Variants in ALX1 observed in about 807,000 individuals in gnomAD.
ALX1 encodes ALX homeobox protein 1.
ALX1 carries 19 observed loss-of-function variants against 31.7 expected under a neutral mutation model. The ratio of observed to expected loss-of-function variants is 0.60; its 90% CI spans 0.42 to 0.88. The LOEUF is 0.88. ALX1 is among the 40% of genes least tolerant of loss of function. The pLI, the probability that ALX1 is intolerant of heterozygous loss-of-function variation, is 0.00. For missense variants in ALX1, 415 were observed against 407.8 expected (o/e 1.02, Z -0.15); for synonymous variants, 153 against 148.8 (o/e 1.03, Z -0.20).
At chr12:85,284,227 T>C (rs2137377497) in intron 2 of ALX1, among the ~76,000 whole-genome samples, 1 of 151,248 alleles carries the variant, frequency 6.6e-6, no homozygotes, top group African/African-American at 2.4e-5. Flanking sequence ...ATTTGTTTTT[T>C]TTTTTTCGGT....
At position 85,283,816 on chromosome 12, in the gene ALX1, G is replaced by A. The variant is rs1464279232; in HGVS notation, c.471G>A (p.Pro157=). The change falls in exon 2 of 4, where the codon CCG becomes CCA. Residue 157 remains proline (P), a synonymous_variant. Coordinates refer to ENST00000316824, the MANE Select transcript of ALX1 (RefSeq NM_006982.3). ...AAGTCTTTCAGAAAACTCATTACCC[G>A]GATGTGTATGTCAGAGAACAGCTTG... ...LEKVFQKTHY[P]DVYVREQLAL... 5.0e-6 allele frequency: 8 copies of A among 1,614,094 alleles called. No homozygotes were observed. The highest frequency in any genetic ancestry group is 3.3e-5 in the South Asian group (3 of 91,084).
At chr12:85,290,590 A>T (rs1479478312) in intron 3 of ALX1, among the ~76,000 whole-genome samples, 2 of 151,294 alleles carry the variant, frequency 1.3e-5, no homozygotes, top group Admixed American at 1.3e-4. Flanking sequence ...TTCATATTTA[A>T]ATATTTTAAG....
chr12:85,290,704 T>TAA (rs1896807085), intron 3 of ALX1, among the ~76,000 whole-genome samples: 1 of 151,150 alleles, frequency 6.6e-6, no homozygotes, highest in Non-Finnish European at 1.5e-5. Flanking sequence ...TTAACTAAAT[T>TAA]AATCTATTTA....
chr12:85,300,618 C>T (rs763598715), intron 3 of ALX1, among the ~76,000 whole-genome samples: 9 of 151,766 alleles, frequency 5.9e-5, no homozygotes, highest in South Asian at 4.2e-4. Context: ...CTATAGGATA[C>T]GAAAAAGCAA....
At chr12:85,280,587 G>A in intron 1 of ALX1, 100 bp downstream of exon 1, 1 of 1,300,922 alleles carries the variant, frequency 7.7e-7, no homozygotes, top group Non-Finnish European at 1.1e-6. Context: ...GAGAAAAGTG[G>A]GAGCGAGGGA....
intron 3 of ALX1, among the ~76,000 whole-genome samples, chr12:85,297,945 T>C (rs1204227071): frequency 6.6e-6 from 1 of 151,688 alleles, no homozygotes; most frequent in Non-Finnish European, 1.5e-5. Context: ...AAATCATCCA[T>C]AAAATTTTGA....
chr12:85,301,111 G>C (rs377366429), intron 3 of ALX1, 44 bp from the exon 4 acceptor site: 16 of 1,605,660 alleles, frequency 1.0e-5, no homozygotes, highest in African/African-American at 1.3e-5. Flanking sequence ...GAGAACAAAA[G>C]TGAGAACATG....
At chr12:85,299,005 G>C (rs545951445) in intron 3 of ALX1, among the ~76,000 whole-genome samples, 1 of 151,420 alleles carries the variant, frequency 6.6e-6, no homozygotes, top group Non-Finnish European at 1.5e-5. Context: ...TCTAGTTGGT[G>C]AACATATTTC....
Position 85,301,612 on chromosome 12 carries a change from A to T in ALX1, c.*137A>T. On this transcript the variant is annotated 3_prime_UTR_variant, in exon 4 of 4. Coordinates refer to ENST00000316824, the MANE Select transcript of ALX1 (RefSeq NM_006982.3). ...TATTCAGTGAGACCAGCTTAAATGA[A>T]TAGTTGTTATTTAACATTAAAATCT... The T allele has an allele frequency of 1.1e-6, 1 of 871,068 alleles. No individual in the cohort carries two copies. 54.0% of individuals were successfully genotyped at this position (871,068 alleles called of 1,614,324 possible).
At position 85,286,917 on chromosome 12, in the gene ALX1, C is replaced by T. The variant is rs144593505; in HGVS notation, c.596C>T (p.Ala199Val). 1.2e-4 allele frequency: 193 copies of T among 1,612,106 alleles called. No individual in the cohort carries two copies. Among genetic ancestry groups the T allele is most frequent in the Admixed American group, 2.0e-4 (12 of 59,912 alleles). Residue 199 changes from alanine to valine, a missense_variant, in exon 3 of 4, where the codon GCG (alanine) becomes GTG (valine). Physicochemically the swap from Ala to Val is moderately conservative, Grantham distance 64. Transcript: ENST00000316824. The part of the protein sequence containing the change: ...KRERYGQIQQ[A>V]KSHFAATYDI... The stretch of plus-strand genomic sequence containing the variant: ...GAACGTTATGGCCAAATACAACAAG[C>T]GAAAAGCCATTTTGCTGCCACCTAT...
At position 85,280,433 on chromosome 12, in the gene ALX1, C is replaced by G. The variant is rs138946669; in HGVS notation, c.172C>G (p.Arg58Gly). The G allele has an allele frequency of 9.3e-6, 15 of 1,612,298 alleles. No individual in the cohort carries two copies. The highest frequency in any genetic ancestry group is 1.7e-5 in the Admixed American group (1 of 60,006). The change falls in exon 1 of 4, where the codon CGC (arginine) becomes GGC (glycine). Residue 58 changes from arginine to glycine, a missense_variant. Physicochemically the swap from Arg to Gly is moderately radical, Grantham distance 125 (BLOSUM62 -2). Around this residue, in one of 3 missense-constraint regions of ALX1, gnomAD observed 235 missense variants for 208.9 expected, o/e 1.13. Transcript: ENST00000316824. Reference sequence around the variant, plus strand: ...CGTGCAGGCCTTCGGACCCCTGCCCCGCGCCGAGCATCACGTGCGCTTGGA... The same window carrying G: ...CGTGCAGGCCTTCGGACCCCTGCCCGGCGCCGAGCATCACGTGCGCTTGGA... ...KCVQAFGPLP[R>G]AEHHVRLERT...
intron 3 of ALX1, among the ~76,000 whole-genome samples, chr12:85,298,803 C>T (rs1438580004): frequency 1.3e-5 from 2 of 151,726 alleles, no homozygotes; most frequent in Non-Finnish European, 3.0e-5. Context: ...AAAAGTAATG[C>T]ATATAACGTG....
intron 3 of ALX1, among the ~76,000 whole-genome samples, chr12:85,297,168 T>C (rs1896900104): frequency 6.6e-6 from 1 of 151,672 alleles, no homozygotes; most frequent in Non-Finnish European, 1.5e-5. Context: ...CAAATAATGT[T>C]GTTGTTTAAT....
chr12:85,294,006 A>G (rs907818645), intron 3 of ALX1, among the ~76,000 whole-genome samples: 1 of 151,236 alleles, frequency 6.6e-6, no homozygotes. Flanking sequence ...TAAAATTACA[A>G]AAATAAAATG....
chr12:85,285,420 C>T (rs1896736124), intron 2 of ALX1, among the ~76,000 whole-genome samples: 1 of 152,018 alleles, frequency 6.6e-6, no homozygotes, highest in East Asian at 1.9e-4. Context: ...TCCTGGGGCT[C>T]ATCTGCGGAG....
chr12:85,290,547 T>C (rs1896804700), intron 3 of ALX1, among the ~76,000 whole-genome samples: 1 of 151,150 alleles, frequency 6.6e-6, no homozygotes, highest in Non-Finnish European at 1.5e-5. Flanking sequence ...TTATCTTTGA[T>C]AGCAAACAAA....
chr12:85,300,355 T>C (rs939619802), intron 3 of ALX1, among the ~76,000 whole-genome samples: 3 of 152,062 alleles, frequency 2.0e-5, no homozygotes, highest in Non-Finnish European at 2.9e-5. Flanking sequence ...TTCTACTCTA[T>C]AGGAGTACTA....
chr12:85,290,808 A>C (rs375019858), intron 3 of ALX1, among the ~76,000 whole-genome samples: 1 of 151,042 alleles, frequency 6.6e-6, no homozygotes, highest in East Asian at 1.9e-4. Context: ...CACCTAAGCC[A>C]TATTTACTCC....
Position 85,298,516 on chromosome 12 carries a change from G to C in ALX1, c.661-2639G>C, listed in dbSNP as rs147629860. On this transcript the variant is annotated intron_variant, in intron 3 of 3. Coordinates refer to ENST00000316824, the MANE Select transcript of ALX1 (RefSeq NM_006982.3). ...TGCATCTAAATAAATTTACAATGTG[G>C]AAACCAACAATGTTTCTAAAGTCAA... is the stretch of plus-strand genomic sequence containing the variant. Among the ~76,000 whole-genome samples the C allele has an allele frequency of 1.8e-3, 270 of 151,792 alleles. 2 individuals carry two copies. The highest frequency in any genetic ancestry group is 6.1e-3 in the African/African-American group (254 of 41,480).
Sources: allele counts gnomAD v4.1 joint callset (sites outside exome capture counted in the v4.1 genomes callset), GRCh38; gene constraint gnomAD v4.1.1; regional missense constraint gnomAD v4.1.1; transcripts MANE v1.5; gene names NCBI Gene and HGNC (gene_info 2026-07-23, HGNC 2026-07-21).